Variants in ZNF354B observed in about 807,000 individuals in gnomAD.
ZNF354B encodes zinc finger protein 354B.
Under a neutral mutation model 12.9 loss-of-function variants are expected in ZNF354B, and 10 were observed. That is an observed-to-expected ratio of 0.77 (90% CI 0.48 to 1.31). The LOEUF is 1.31. Ranked by LOEUF, ZNF354B falls within the 40% of genes most tolerant of loss-of-function variation. ZNF354B has a pLI of 0.00. For missense variants in ZNF354B, 614 were observed against 711.7 expected (o/e 0.86, Z 1.56); for synonymous variants, 260 against 243.7 (o/e 1.07, Z -0.62).
chr5:178,863,855 A>C (rs80084659), intron 2 of ZNF354B, among the ~76,000 whole-genome samples: 3,639 of 152,302 alleles, frequency 0.024, 162 homozygotes, highest in African/African-American at 0.083. Flanking sequence ...GTTTTTAACA[A>C]AAAAATTTTT....
intron 4 of ZNF354B, among the ~76,000 whole-genome samples, chr5:178,869,071 C>T (rs1757513670): frequency 6.6e-6 from 1 of 152,080 alleles, no homozygotes; most frequent in Non-Finnish European, 1.5e-5. Flanking sequence ...CGGGCCTTGT[C>T]ATAGAGTTTG....
chr5:178,867,096 G>T (rs373892560), intron 4 of ZNF354B, 25 bp downstream of exon 4: 2 of 1,591,468 alleles, frequency 1.3e-6, no homozygotes, highest in African/African-American at 2.7e-5. Context: ...CGAGGTGCTC[G>T]GGAATGGCCG....
At chr5:178,880,495 GCCT>G (rs944629212) in intron 4 of ZNF354B, among the ~76,000 whole-genome samples, 17 of 149,416 alleles carry the variant, frequency 1.1e-4, no homozygotes, top group South Asian at 6.3e-4. Context: ...ACTGCACCCG[GCCT>G]CCTCTTTTTT....
At chr5:178,882,071 A>G (rs982111776) in intron 4 of ZNF354B, among the ~76,000 whole-genome samples, 31 of 147,266 alleles carry the variant, frequency 2.1e-4, no homozygotes, top group African/African-American at 6.3e-4. Flanking sequence ...TACTAGCTTT[A>G]GGACAAAGGT....
At chr5:178,871,452 C>T (rs112147758) in intron 4 of ZNF354B, among the ~76,000 whole-genome samples, 22,575 of 152,226 alleles carry the variant, frequency 0.15, 2,059 homozygotes, top group African/African-American at 0.25. Context: ...GCAGCCCCCA[C>T]GCCATCTCCT....
At chr5:178,866,438 T>C (rs1757457629) in intron 3 of ZNF354B, 68 bp downstream of exon 3, 4 of 1,548,504 alleles carry the variant, frequency 2.6e-6, no homozygotes, top group Admixed American at 2.0e-5. Context: ...CTTCCCTGAA[T>C]AAAAGCAGTT....
intron 4 of ZNF354B, among the ~76,000 whole-genome samples, chr5:178,877,659 A>G (rs1320704055): frequency 1.3e-5 from 2 of 152,220 alleles, no homozygotes; most frequent in African/African-American, 4.8e-5. Flanking sequence ...CCAGATCCCC[A>G]TTATTTGGAG....
intron 4 of ZNF354B, among the ~76,000 whole-genome samples, chr5:178,874,706 TCCTGTC>T (rs1484655984): frequency 6.6e-6 from 1 of 152,218 alleles, no homozygotes; most frequent in Admixed American, 6.5e-5. Context: ...TGATCTTTGT[TCCTGTC>T]CATGTTCTGA....
Position 178,884,259 on chromosome 5 carries a change from G to A in ZNF354B, c.1807G>A (p.Glu603Lys), listed in dbSNP as rs77568902. 4,646 of 1,601,810 alleles carry A rather than the reference G, an allele frequency of 2.9e-3. 4 individuals carry two copies. Among genetic ancestry groups the A allele is most frequent in the Non-Finnish European group, 3.8e-3 (4,426 of 1,174,068 alleles). ...LTNHYKIHIE[E>K]DSLKADLHV The stretch of plus-strand genomic sequence containing the variant: ...TAATCATTATAAAATTCACATTGAA[G>A]AGGACTCCTTAAAAGCCGATTTGCA... Residue 603 changes from glutamate to lysine, a missense_variant, in exon 5 of 5, where the codon GAG becomes AAG. Coordinates refer to ENST00000322434, the MANE Select transcript of ZNF354B (RefSeq NM_058230.3).
At chr5:178,864,624 A>AT (rs755243826) in intron 2 of ZNF354B, among the ~76,000 whole-genome samples, 255 of 145,980 alleles carry the variant, frequency 1.7e-3, no homozygotes, top group East Asian at 2.4e-3. Context: ...GTATGTAGAA[A>AT]TTTTTTTTTT....
rs934979703 is a variant in ZNF354B, at chr5:178,866,756, T to A, written c.161-220T>A. Among the ~76,000 whole-genome samples the A allele has an allele frequency of 3.9e-5, 6 of 152,164 alleles. No homozygotes were observed. In the East Asian group the frequency reaches 1.2e-3, roughly 29 times the overall value. On this transcript the variant is annotated intron_variant, in intron 3 of 4. Transcript: ENST00000322434. ...TGCTCCTTTGCAGCCAGATGAATCT[T>A]GTAAAATCCATCTTCAAAAGGGAAT...
In ZNF354B at chr5:178,866,373, A is replaced by G. The variant is rs1472960485; in HGVS notation, c.160+3A>G. 4 of 1,609,084 alleles carry G rather than the reference A, an allele frequency of 2.5e-6. No homozygotes were observed. The highest frequency in any genetic ancestry group is 1.1e-5 in the South Asian group (1 of 90,374). ...CTATAGGAACCTGGTCTCACTGGGT[A>G]AGGAAATTTCCCCTCTAGAAACAGA... is the stretch of plus-strand genomic sequence containing the variant. On this transcript the variant is annotated splice_donor_region_variant and intron_variant, in intron 3 of 4. Transcript: ENST00000322434.
intron 4 of ZNF354B, among the ~76,000 whole-genome samples, chr5:178,871,902 C>CT (rs1757568751): frequency 6.6e-6 from 1 of 152,048 alleles, no homozygotes; most frequent in Non-Finnish European, 1.5e-5. Flanking sequence ...GGGAATTTTA[C>CT]TTTTTTTAGA....
intron 2 of ZNF354B, 119 bp from the exon 3 acceptor site, chr5:178,866,125 A>C (rs548669366): frequency 1.1e-5 from 16 of 1,425,482 alleles, no homozygotes; most frequent in Middle Eastern, 3.7e-4. Flanking sequence ...AATGACCTGG[A>C]ACCTTCAGAA....
At chr5:178,878,934 C>T (rs1365586524) in intron 4 of ZNF354B, among the ~76,000 whole-genome samples, 1 of 151,858 alleles carries the variant, frequency 6.6e-6, no homozygotes, top group Non-Finnish European at 1.5e-5. Context: ...CTCCTGACTT[C>T]AAATGATGCA....
chr5:178,878,702 G>A (rs1398073976), intron 4 of ZNF354B, among the ~76,000 whole-genome samples: 1 of 151,994 alleles, frequency 6.6e-6, no homozygotes, highest in East Asian at 1.9e-4. Context: ...TGTTTGTTTT[G>A]TTTTGTTTTG....
At chr5:178,878,961 A>C (rs1244797171) in intron 4 of ZNF354B, among the ~76,000 whole-genome samples, 6 of 152,100 alleles carry the variant, frequency 3.9e-5, no homozygotes, top group Admixed American at 3.9e-4. Flanking sequence ...TCAGCCTCCC[A>C]AAGTGCTGGG....
intron 4 of ZNF354B, among the ~76,000 whole-genome samples, chr5:178,870,530 TCA>T (rs1757546136): frequency 6.6e-6 from 1 of 152,214 alleles, no homozygotes; most frequent in Non-Finnish European, 1.5e-5. Flanking sequence ...TCTGTCCCCC[TCA>T]GCCTCCCAAA....
Position 178,884,978 on chromosome 5 carries a change from T to TA in ZNF354B, c.*688dup, listed in dbSNP as rs1757780658. The TA allele has an allele frequency of 6.6e-6, 1 of 152,238 alleles. No individual in the cohort carries two copies. The highest frequency in any genetic ancestry group is 1.5e-5 in the Non-Finnish European group (1 of 68,036). 9.4% of individuals were successfully genotyped at this position (152,238 alleles called of 1,614,324 possible). On this transcript the variant is annotated 3_prime_UTR_variant, in exon 5 of 5. Transcript: ENST00000322434. Reference sequence around the variant, plus strand: ...GCCTGGAATTTACCTTTTCCTGACTTACTGTCAAACTTCGTGCATGGCTTT... The same window carrying TA: ...GCCTGGAATTTACCTTTTCCTGACTTAACTGTCAAACTTCGTGCATGGCTTT...
Sources: gnomAD v4.1 joint callset for allele counts (sites outside exome capture counted in the v4.1 genomes callset) on GRCh38, gnomAD v4.1.1 for gene constraint, MANE v1.5 for transcripts, NCBI Gene and HGNC (gene_info 2026-07-23, HGNC 2026-07-21) for gene names.